The following GALNT13 variants were observed in gnomAD, a reference collection of about 807,000 sequenced individuals.
GALNT13 encodes polypeptide N-acetylgalactosaminyltransferase 13.
In GALNT13, 28 loss-of-function variants were observed where a neutral mutation model predicts 64.2. That is an observed-to-expected ratio of 0.44 (90% confidence interval 0.32 to 0.60). GALNT13 has a LOEUF of 0.60. Among genes scored for constraint, GALNT13 ranks in the 20% least tolerant of loss-of-function variants. The probability of loss-of-function intolerance (pLI) is 0.05; values close to 1 mark genes in which losing one functional copy is unlikely to be tolerated. For missense variants in GALNT13, 577 were observed against 669.8 expected (o/e 0.86, Z 1.53); for synonymous variants, 214 against 224.6 (o/e 0.95, Z 0.42).
chr2:153,785,939 A>T, the GALNT13 span, among the ~76,000 whole-genome samples: 2 of 151,304 alleles, frequency 1.3e-5, no homozygotes, highest in African/African-American at 2.4e-5. Context: ...ACTGTTCCCC[A>T]TGGAGGCCTG....
chr2:154,352,722 T>G (rs1318174677), intron 9 of GALNT13, among the ~76,000 whole-genome samples: 1 of 152,182 alleles, frequency 6.6e-6, no homozygotes. Context: ...CTACATAAGT[T>G]TCTTCAATGT....
intron 9 of GALNT13, among the ~76,000 whole-genome samples, chr2:154,378,927 C>T (rs975097740): frequency 2.6e-5 from 4 of 152,026 alleles, no homozygotes; most frequent in Non-Finnish European, 4.4e-5. Context: ...ATTGTCAAGA[C>T]TCTTCTCTCT....
intron 3 of GALNT13, among the ~76,000 whole-genome samples, chr2:153,958,575 G>T (rs1692732437): frequency 6.6e-6 from 1 of 152,168 alleles, no homozygotes; most frequent in African/African-American, 2.4e-5. Flanking sequence ...TACCCCAGTG[G>T]TGGGTCCTCT....
At chr2:153,992,453 T>C (rs1292798054) in intron 3 of GALNT13, among the ~76,000 whole-genome samples, 1 of 152,166 alleles carries the variant, frequency 6.6e-6, no homozygotes, top group African/African-American at 2.4e-5. Context: ...ATAGGAAACA[T>C]ATCTGGACCT....
At chr2:153,893,269 T>C (rs1489892586) in intron 1 of GALNT13, among the ~76,000 whole-genome samples, 1 of 152,088 alleles carries the variant, frequency 6.6e-6, no homozygotes, top group Non-Finnish European at 1.5e-5. Flanking sequence ...TGTTTCTTAC[T>C]TATGTTGCAA....
the GALNT13 span, among the ~76,000 whole-genome samples, chr2:153,447,987 C>G: frequency 6.6e-6 from 1 of 152,160 alleles, no homozygotes; most frequent in African/African-American, 2.4e-5. Context: ...TGCATTTCCT[C>G]TTTTGCTACC....
At chr2:153,227,864 T>C in the GALNT13 span, among the ~76,000 whole-genome samples, 3 of 152,250 alleles carry the variant, frequency 2.0e-5, no homozygotes, top group Non-Finnish European at 2.9e-5. Flanking sequence ...GCACATTCTG[T>C]TGGCTCATGT....
At chr2:153,442,266 T>C in the GALNT13 span, among the ~76,000 whole-genome samples, 3 of 152,228 alleles carry the variant, frequency 2.0e-5, no homozygotes, top group African/African-American at 7.2e-5. Context: ...TTTGTGTATA[T>C]TGAGCCAGGC....
At chr2:153,373,787 CTCTACTT>C in the GALNT13 span, among the ~76,000 whole-genome samples, 2 of 152,064 alleles carry the variant, frequency 1.3e-5, no homozygotes, top group Admixed American at 6.6e-5. Context: ...CTTTCTTTTT[CTCTACTT>C]TCTACTTTCT....
intron 7 of GALNT13, among the ~76,000 whole-genome samples, chr2:154,255,645 A>G (rs1690329800): frequency 6.6e-6 from 1 of 152,136 alleles, no homozygotes; most frequent in Non-Finnish European, 1.5e-5. Flanking sequence ...AGGAAGACAC[A>G]TTTTTAAACA....
rs145918261 is a variant in GALNT13, at chr2:153,994,454, A to G, written c.142+49815A>G. Among the ~76,000 whole-genome samples the G allele has an allele frequency of 2.7e-3, 416 of 152,276 alleles. 4 individuals are homozygous for G. In the East Asian group the frequency reaches 0.044, roughly 16 times the overall value. On this transcript the variant is annotated intron_variant, in intron 3 of 12. Transcript: ENST00000392825. Reference sequence around the variant, plus strand: ...CCCAGTAATGGGATGGCTGGGTGAAATGGTATTTCTTGTTCTAGATCCTTG... The same window carrying G: ...CCCAGTAATGGGATGGCTGGGTGAAGTGGTATTTCTTGTTCTAGATCCTTG...
chr2:154,260,663 A>G (rs536460522), intron 8 of GALNT13, among the ~76,000 whole-genome samples: 1 of 152,332 alleles, frequency 6.6e-6, no homozygotes, highest in Admixed American at 6.5e-5. Context: ...TTTTGAGGAC[A>G]TTTGAGAACC....
At chr2:153,621,544 T>C in the GALNT13 span, among the ~76,000 whole-genome samples, 22 of 152,202 alleles carry the variant, frequency 1.4e-4, 1 homozygote, top group Admixed American at 1.4e-3. Flanking sequence ...GGCAGCAATG[T>C]TCCCCAGGCC....
chr2:154,148,434 T>C (rs1211247270), intron 4 of GALNT13, among the ~76,000 whole-genome samples: 2 of 152,194 alleles, frequency 1.3e-5, no homozygotes, highest in Admixed American at 6.6e-5. Context: ...CCTTTGGGTA[T>C]ATAACCAGTA....
chr2:153,275,402 A>G, the GALNT13 span, among the ~76,000 whole-genome samples: 3 of 152,170 alleles, frequency 2.0e-5, no homozygotes, highest in African/African-American at 7.2e-5. Flanking sequence ...TTCCTTGTGA[A>G]TGGGATTAGG....
At chr2:153,651,354 G>T in the GALNT13 span, among the ~76,000 whole-genome samples, 3 of 152,122 alleles carry the variant, frequency 2.0e-5, no homozygotes, top group Admixed American at 6.6e-5. Context: ...GAAGGCAGAA[G>T]CCAGGGTTCA....
rs543305828 is a variant in GALNT13, at chr2:154,270,095, A to G, written c.975+10957A>G. On this transcript the variant is annotated intron_variant, in intron 8 of 12. Coordinates refer to ENST00000392825, the MANE Select transcript of GALNT13 (RefSeq NM_052917.4). ...AAAAAAATAAGTGAACAACAGGTAA[A>G]TTAGACATTAATCAAGCTTTAGAAG... 8.6e-5 allele frequency among the ~76,000 whole-genome samples: 13 copies of G among 151,458 alleles called. No homozygotes were observed. The South Asian group carries it at 2.1e-3, about 24-fold the overall frequency.
At chr2:153,742,764 T>C in the GALNT13 span, among the ~76,000 whole-genome samples, 4 of 152,086 alleles carry the variant, frequency 2.6e-5, no homozygotes, top group Non-Finnish European at 5.9e-5. Context: ...TCTCTTTTTA[T>C]GGCTGCATAG....
At chr2:153,606,881 T>C in the GALNT13 span, among the ~76,000 whole-genome samples, 1 of 151,892 alleles carries the variant, frequency 6.6e-6, no homozygotes, top group Non-Finnish European at 1.5e-5. Context: ...TTTTTTTTTT[T>C]TCGTGGACAC....
Sources: allele counts gnomAD v4.1 joint callset (sites outside exome capture counted in the v4.1 genomes callset), GRCh38; gene constraint gnomAD v4.1.1; transcripts MANE v1.5; gene names NCBI Gene and HGNC (gene_info 2026-07-23, HGNC 2026-07-21).